NLGN1: variants seen among roughly 807,000 people sequenced by gnomAD.
NLGN1 encodes the protein neuroligin 1.
A neutral mutation model predicts 65.5 loss-of-function variants in NLGN1; 12 were observed. The ratio of observed to expected loss-of-function variants is 0.18; its 90% CI spans 0.12 to 0.30. The LOEUF (loss-of-function observed/expected upper bound fraction) is 0.30. Ranked by LOEUF, NLGN1 falls within the 10% of genes least tolerant of loss-of-function variation. The probability of loss-of-function intolerance (pLI) is 1.00; values close to 1 mark genes in which losing one functional copy is unlikely to be tolerated. For synonymous variants in NLGN1, 350 were observed against 359.5 expected, an observed-to-expected ratio of 0.97 and a Z score of 0.30; for missense variants, 750 against 1,007.1, an observed-to-expected ratio of 0.74 and a Z score of 3.46.
At chr3:173,455,050 A>G (rs1045880194) in intron 2 of NLGN1, among the ~76,000 whole-genome samples, 6 of 152,212 alleles carry the variant, frequency 3.9e-5, no homozygotes, top group Non-Finnish European at 7.3e-5. Context: ...ACATTTATGG[A>G]TTAAGTTTGC....
chr3:173,511,963 T>A (rs149675229), intron 2 of NLGN1, among the ~76,000 whole-genome samples: 141 of 152,268 alleles, frequency 9.3e-4, no homozygotes, highest in South Asian at 2.1e-3. Context: ...ATGACAGGGG[T>A]GCATCACTTA....
chr3:173,771,713 A>G (rs888701197), intron 3 of NLGN1, among the ~76,000 whole-genome samples: 2 of 152,238 alleles, frequency 1.3e-5, no homozygotes, highest in Non-Finnish European at 2.9e-5. Flanking sequence ...TAATGGTAAC[A>G]ACATTAGACT....
intron 4 of NLGN1, among the ~76,000 whole-genome samples, chr3:173,886,140 A>G (rs1734289670): frequency 6.6e-6 from 1 of 152,128 alleles, no homozygotes; most frequent in Admixed American, 6.6e-5. Context: ...CATTAGGACC[A>G]TGTAAGATCG....
At chr3:174,211,657 G>T in intron 4 of NLGN1, among the ~76,000 whole-genome samples, 1 of 151,396 alleles carries the variant, frequency 6.6e-6, no homozygotes, top group East Asian at 2.0e-4. Flanking sequence ...AACACAGGGT[G>T]CTGATTGGTG....
intron 4 of NLGN1, among the ~76,000 whole-genome samples, chr3:173,990,306 A>C (rs1720831173): frequency 6.6e-6 from 1 of 152,138 alleles, no homozygotes; most frequent in Non-Finnish European, 1.5e-5. Context: ...TTCTCAATCA[A>C]AAAGTTCTCT....
At chr3:173,548,024 A>T (rs1289043895) in intron 2 of NLGN1, among the ~76,000 whole-genome samples, 1 of 151,856 alleles carries the variant, frequency 6.6e-6, no homozygotes, top group Non-Finnish European at 1.5e-5. Context: ...TCCCACTATA[A>T]TAACTTATTC....
intron 4 of NLGN1, among the ~76,000 whole-genome samples, chr3:174,223,231 A>G (rs1738985700): frequency 6.6e-6 from 1 of 151,608 alleles, no homozygotes; most frequent in South Asian, 2.1e-4. Context: ...TATCTAGCTC[A>G]CTCTCCTTTT....
At chr3:173,746,788 A>G (rs377229766) in intron 3 of NLGN1, among the ~76,000 whole-genome samples, 63 of 152,094 alleles carry the variant, frequency 4.1e-4, no homozygotes, top group Non-Finnish European at 8.8e-4. Context: ...GGGGGTGCTA[A>G]TCTCAGCACT....
Position 173,515,139 on chromosome 3 carries a change from A to G in NLGN1, c.-321+80061A>G, listed in dbSNP as rs554665035. 2.1e-4 allele frequency among the ~76,000 whole-genome samples: 32 copies of G among 152,198 alleles called. No homozygotes were observed. In the South Asian group the frequency reaches 6.6e-3, roughly 32 times the overall value. On this transcript the variant is annotated intron_variant, in intron 2 of 6. Transcript: ENST00000457714. ...CTCCCAACAGTGCGCAAGGGCAACA[A>G]TTTATCCACAACCTCACCAACACTT...
intron 2 of NLGN1, among the ~76,000 whole-genome samples, chr3:173,600,620 G>A (rs1750364841): frequency 5.4e-5 from 1 of 18,446 alleles, no homozygotes; most frequent in Admixed American, 8.1e-4. Flanking sequence ...ATATGTAAAA[G>A]GTACGTAAAG....
At position 173,830,969 on chromosome 3, in the gene NLGN1, C is replaced by G. The variant is rs117916111; in HGVS notation, c.646+23137C>G. Among the ~76,000 whole-genome samples, 304 of 152,298 alleles carry G rather than the reference C, an allele frequency of 2.0e-3. 6 individuals are homozygous for G. The East Asian group carries it at 0.049, about 25-fold the overall frequency. On this transcript the variant is annotated intron_variant, in intron 4 of 6. Transcript: ENST00000457714. ...CATCAATGAAGAATACACTTGACTT[C>G]TAGCCTTCTTCAAAAATAGGGAGAT...
intron 3 of NLGN1, among the ~76,000 whole-genome samples, chr3:173,801,284 G>A (rs977871476): frequency 6.6e-6 from 1 of 151,902 alleles, no homozygotes; most frequent in Non-Finnish European, 1.5e-5. Context: ...GTGTTAAAGT[G>A]AGCTCATCTT....
intron 2 of NLGN1, among the ~76,000 whole-genome samples, chr3:173,558,400 C>A (rs1265721045): frequency 6.6e-6 from 1 of 151,776 alleles, no homozygotes. Context: ...TCCTCATTTG[C>A]CCCCCCAACC....
intron 3 of NLGN1, among the ~76,000 whole-genome samples, chr3:173,759,850 C>T (rs919532845): frequency 9.2e-5 from 14 of 151,626 alleles, no homozygotes; most frequent in African/African-American, 3.4e-4. Flanking sequence ...TAAATTATTT[C>T]TATTGTTATT....
exon 3 of NLGN1, chr3:173,604,470 A>G: frequency 1.0e-6 from 1 of 981,960 alleles, no homozygotes; most frequent in Non-Finnish European, 1.5e-6. Flanking sequence ...AAGATCTTTC[A>G]GAGCTTTTCT....
chr3:173,489,614 T>C (rs1728765001), intron 2 of NLGN1, among the ~76,000 whole-genome samples: 1 of 152,164 alleles, frequency 6.6e-6, no homozygotes, highest in Admixed American at 6.5e-5. Flanking sequence ...ATGGGATGGC[T>C]GGGTCAAATG....
chr3:173,609,538 C>T (rs530281591), intron 3 of NLGN1, among the ~76,000 whole-genome samples: 1 of 151,932 alleles, frequency 6.6e-6, no homozygotes, highest in South Asian at 2.1e-4. Context: ...AACAATGACT[C>T]CTAGTACTGT....
chr3:173,867,269 G>A (rs1391603788), intron 4 of NLGN1, among the ~76,000 whole-genome samples: 1 of 152,088 alleles, frequency 6.6e-6, no homozygotes, highest in African/African-American at 2.4e-5. Flanking sequence ...TGTGTTCCCT[G>A]TATTGATACA....
At chr3:173,808,378 A>T (rs1717130330) in intron 4 of NLGN1, among the ~76,000 whole-genome samples, 1 of 152,188 alleles carries the variant, frequency 6.6e-6, no homozygotes, top group Non-Finnish European at 1.5e-5. Flanking sequence ...TTATAAAGTA[A>T]CAAAGAATTC....
Sources: allele counts gnomAD v4.1 joint callset (sites outside exome capture counted in the v4.1 genomes callset), GRCh38; gene constraint gnomAD v4.1.1; transcripts MANE v1.5; gene names NCBI Gene and HGNC (gene_info 2026-07-23, HGNC 2026-07-21).